The following PXK variants were observed in gnomAD, a reference collection of about 807,000 sequenced individuals.
PXK encodes PX domain containing serine/threonine kinase like.
A neutral mutation model predicts 84.7 loss-of-function variants in PXK; 35 were observed. The ratio of observed to expected loss-of-function variants is 0.41; its 90% CI spans 0.32 to 0.55. The LOEUF is 0.55. PXK is among the 20% of genes least tolerant of loss of function. The probability of loss-of-function intolerance (pLI) is 0.21; values close to 1 mark genes in which losing one functional copy is unlikely to be tolerated. For synonymous variants in PXK, 253 were observed against 260.8 expected (o/e 0.97, Z 0.29); for missense variants, 634 against 699.7 (o/e 0.91, Z 1.06).
At chr3:58,405,927 T>A in intron 13 of PXK, among the ~76,000 whole-genome samples, 1 of 152,296 alleles carries the variant, frequency 6.6e-6, no homozygotes, top group Middle Eastern at 3.4e-3. Context: ...TAATAACTGG[T>A]TGAATTTATG....
intron 2 of PXK, 41 bp downstream of exon 2, chr3:58,365,965 T>C: frequency 1.3e-6 from 2 of 1,491,242 alleles, no homozygotes; most frequent in Non-Finnish European, 1.8e-6. Flanking sequence ...TAGAAAAATA[T>C]TTAAATGCGT....
At chr3:58,388,066 G>A (rs2098578219) in intron 4 of PXK, among the ~76,000 whole-genome samples, 1 of 152,228 alleles carries the variant, frequency 6.6e-6, no homozygotes, top group Non-Finnish European at 1.5e-5. Context: ...TCTAAGCAAA[G>A]GAGTAGATGT....
intron 3 of PXK, among the ~76,000 whole-genome samples, chr3:58,373,245 A>AT (rs1337400367): frequency 2.6e-5 from 4 of 151,720 alleles, no homozygotes; most frequent in Non-Finnish European, 5.9e-5. Context: ...TGCCCGGCTA[A>AT]TTTTTTGTAT....
At chr3:58,405,746 C>G (rs2059301789) in intron 13 of PXK, among the ~76,000 whole-genome samples, 1 of 150,982 alleles carries the variant, frequency 6.6e-6, no homozygotes, top group Non-Finnish European at 1.5e-5. Flanking sequence ...CCGGTACACT[C>G]CAGCCTGGGG....
Position 58,412,886 on chromosome 3 carries a change from T to G in PXK, c.1466-15T>G. The G allele has an allele frequency of 6.2e-7, 1 of 1,614,142 alleles. No individual in the cohort carries two copies. Among genetic ancestry groups the G allele is most frequent in the South Asian group, 1.1e-5 (1 of 91,084 alleles). On this transcript the variant is annotated splice_polypyrimidine_tract_variant and intron_variant, in intron 16 of 17. Coordinates refer to ENST00000356151, the MANE Select transcript of PXK (RefSeq NM_017771.5). This position sits in a 1 kb window ranked among gnomAD's most constrained non-coding sequence, Gnocchi z 6.2. ...TCGTTGGTCCCCATGAGGGTTTCTC[T>G]GTGTTTTATCTTAGCAGGATCTGGG...
At chr3:58,358,856 C>G (rs544737772) in intron 1 of PXK, among the ~76,000 whole-genome samples, 1 of 152,178 alleles carries the variant, frequency 6.6e-6, no homozygotes, top group African/African-American at 2.4e-5. Context: ...GACATCAGGA[C>G]GCAGGCATTG....
intron 5 of PXK, 71 bp from the exon 6 acceptor site, chr3:58,391,076 C>A: frequency 9.2e-7 from 1 of 1,082,228 alleles, no homozygotes. Flanking sequence ...TTCTTGATTA[C>A]CTAGTCAGTG....
chr3:58,388,394 T>G (rs1337232244), intron 4 of PXK, among the ~76,000 whole-genome samples: 1 of 152,250 alleles, frequency 6.6e-6, no homozygotes, highest in Non-Finnish European at 1.5e-5. Flanking sequence ...TAGAATGACA[T>G]TGTACACATT....
At chr3:58,423,393 T>C (rs1457394747) in intron 17 of PXK, 4 of 1,503,972 alleles carry the variant, frequency 2.7e-6, no homozygotes, top group Non-Finnish European at 2.7e-6. Context: ...TTATTTGTAT[T>C]GCTATCTTTG....
At chr3:58,382,817 A>G (rs917340049) in intron 4 of PXK, 117 bp downstream of exon 4, 9 of 708,016 alleles carry the variant, frequency 1.3e-5, no homozygotes, top group Admixed American at 7.2e-5. Context: ...TACATTTGTT[A>G]TAGCATATTA....
chr3:58,405,924 T>A (rs2059331639), intron 13 of PXK, among the ~76,000 whole-genome samples: 1 of 152,174 alleles, frequency 6.6e-6, no homozygotes, highest in Non-Finnish European at 1.5e-5. Flanking sequence ...TTATAATAAC[T>A]GGTTGAATTT....
At chr3:58,422,952 G>A (rs11721168) in intron 17 of PXK, 352,853 of 985,142 alleles carry the variant, frequency 0.36, 65,171 homozygotes, top group Middle Eastern at 0.41. Context: ...GTTACACTAC[G>A]TGGCCCTGAA....
intron 17 of PXK, among the ~76,000 whole-genome samples, chr3:58,415,044 A>G (rs1290908551): frequency 5.3e-5 from 8 of 152,206 alleles, no homozygotes; most frequent in Admixed American, 5.2e-4. Context: ...AAGCTCCAAA[A>G]TGATAGACAC....
rs1192738463 is a variant in PXK at position 58,365,114 on chromosome 3, T to C, written c.103-760T>C. ...TGAGGTGAAGTTTAGGTTATTGATT[T>C]GATAGTTTTTCTCTTTTCTAATATA... On this transcript the variant is annotated intron_variant, in intron 1 of 17. Coordinates refer to ENST00000356151, the MANE Select transcript of PXK (RefSeq NM_017771.5). Among the ~76,000 whole-genome samples the C allele has an allele frequency of 3.3e-5, 5 of 152,018 alleles. No individual in the cohort carries two copies. In the East Asian group the frequency reaches 9.6e-4, roughly 29 times the overall value.
chr3:58,384,176 T>A (rs2098531141), intron 4 of PXK, among the ~76,000 whole-genome samples: 1 of 152,160 alleles, frequency 6.6e-6, no homozygotes, highest in Admixed American at 6.6e-5. Flanking sequence ...CACAGTGTGG[T>A]TCTCTGACCA....
intron 7 of PXK, among the ~76,000 whole-genome samples, chr3:58,394,607 T>A (rs1001737017): frequency 2.6e-5 from 4 of 152,178 alleles, no homozygotes; most frequent in Non-Finnish European, 2.9e-5. Context: ...GTTCTGAGAT[T>A]TGGCTGTATT....
chr3:58,338,754 C>G (rs186236135), intron 1 of PXK, among the ~76,000 whole-genome samples: 1 of 150,230 alleles, frequency 6.7e-6, no homozygotes, highest in African/African-American at 2.5e-5. Context: ...GGCGCGATCT[C>G]GGCTCACCGC....
In PXK at chr3:58,343,748, T is replaced by C. The variant is rs565892705; in HGVS notation, c.102+10658T>C. Among the ~76,000 whole-genome samples, 345 of 152,350 alleles carry C rather than the reference T, an allele frequency of 2.3e-3. 4 individuals are homozygous for C. In the Middle Eastern group the frequency reaches 0.044, roughly 20 times the overall value. On this transcript the variant is annotated intron_variant, in intron 1 of 17. Transcript: ENST00000356151. ...TCAAACTAGCCCAGTCCCTGGCACATAGATAGTAAGCCTACAGCAAACATT... is the reference window on the plus strand; with the variant it reads ...TCAAACTAGCCCAGTCCCTGGCACACAGATAGTAAGCCTACAGCAAACATT...
rs371575147 is a variant in PXK, at chr3:58,349,213, G to A, written c.102+16123G>A. ...TGTACCACTGCACTCCAGCCTGGGC[G>A]ACAGAGCCAGACCCCATCTCCAAAA... On this transcript the variant is annotated intron_variant, in intron 1 of 17. Coordinates refer to ENST00000356151, the MANE Select transcript of PXK (RefSeq NM_017771.5). 8.7e-4 allele frequency among the ~76,000 whole-genome samples: 132 copies of A among 152,118 alleles called. 1 individual carries two copies. In the South Asian group the frequency reaches 0.022, roughly 25 times the overall value.
Sources: gnomAD v4.1 joint callset for allele counts (sites outside exome capture counted in the v4.1 genomes callset) on GRCh38, gnomAD v4.1.1 for gene constraint, Gnocchi (gnomAD v3.1) non-coding constraint, MANE v1.5 for transcripts, NCBI Gene and HGNC (gene_info 2026-07-23, HGNC 2026-07-21) for gene names.